The following CDC42BPA variants were observed in gnomAD, a reference collection of about 807,000 sequenced individuals.
CDC42BPA encodes the protein serine/threonine-protein kinase MRCK alpha.
Under a neutral mutation model 223.5 loss-of-function variants are expected in CDC42BPA, and 80 were observed. The observed-to-expected ratio is 0.36, with a 90% confidence interval of 0.30 to 0.43. The LOEUF (loss-of-function observed/expected upper bound fraction) is 0.43, where lower values mean the gene tolerates loss of function less well. CDC42BPA is among the 20% of genes least tolerant of loss of function. The pLI is 1.00. For synonymous variants in CDC42BPA, 694 were observed against 718.6 expected (o/e 0.97, Z 0.55); for missense variants, 1,743 against 2,099.9 (o/e 0.83, Z 3.32).
intron 22 of CDC42BPA, among the ~76,000 whole-genome samples, 192 bp downstream of exon 22, chr1:227,051,689 T>C (rs1384058723): frequency 6.6e-6 from 1 of 152,246 alleles, no homozygotes; most frequent in African/African-American, 2.4e-5. Context: ...TATTTCAGAT[T>C]GACTATTTGA....
chr1:227,067,369 A>T (rs1677301993), intron 21 of CDC42BPA, among the ~76,000 whole-genome samples: 1 of 149,242 alleles, frequency 6.7e-6, no homozygotes, highest in South Asian at 2.1e-4. Flanking sequence ...ATATATGTAC[A>T]TTTTTTTTTT....
chr1:227,167,111 G>T (rs375496173), intron 5 of CDC42BPA, among the ~76,000 whole-genome samples: 2 of 152,030 alleles, frequency 1.3e-5, no homozygotes, highest in South Asian at 2.1e-4. Context: ...TACTACATAA[G>T]AATAAAAACT....
intron 11 of CDC42BPA, among the ~76,000 whole-genome samples, chr1:227,121,802 C>CAT (rs1325340048): frequency 2.4e-4 from 32 of 134,114 alleles, no homozygotes; most frequent in African/African-American, 8.9e-4. Flanking sequence ...TCTTTTTTTT[C>CAT]TTTTTTTTTT....
intron 6 of CDC42BPA, among the ~76,000 whole-genome samples, chr1:227,158,177 C>T (rs914594499): frequency 6.6e-6 from 1 of 152,090 alleles, no homozygotes; most frequent in Non-Finnish European, 1.5e-5. Context: ...GCCAGGCAGT[C>T]TCAAACTCCT....
At position 227,030,371 on chromosome 1, in the gene CDC42BPA, T is replaced by C. The variant is rs757913591; in HGVS notation, c.3838+37A>G. 1.8e-5 allele frequency: 23 copies of C among 1,293,896 alleles called. No homozygotes were observed. In the East Asian group the frequency reaches 5.5e-4, roughly 31 times the overall value. The allele number at this position is 1,293,896 out of a possible 1,614,324, so 80.2% of individuals were successfully genotyped here. ...TACAGTTTAAATTTTTTTAACACGA[T>C]TTAAAATTACTCCAAAAAAAAAAAG... On this transcript the variant is annotated intron_variant, in intron 29 of 36. Transcript: ENST00000366766.
intron 35 of CDC42BPA, chr1:227,004,443 T>C (rs1252015210): frequency 6.3e-6 from 1 of 159,086 alleles, no homozygotes; most frequent in Non-Finnish European, 1.4e-5. Context: ...GAAAGAAAAT[T>C]CTTCCCTACT....
chr1:227,115,190 T>A (rs1402895972), intron 12 of CDC42BPA, among the ~76,000 whole-genome samples: 1 of 151,922 alleles, frequency 6.6e-6, no homozygotes, highest in Non-Finnish European at 1.5e-5. Flanking sequence ...AAAAGCAGCA[T>A]GCAAAAATCA....
chr1:227,217,165 G>A (rs1443665995), intron 2 of CDC42BPA, among the ~76,000 whole-genome samples: 1 of 152,106 alleles, frequency 6.6e-6, no homozygotes, highest in Non-Finnish European at 1.5e-5. Flanking sequence ...CCCATTCCAA[G>A]CTACTATTAC....
chr1:227,203,816 AAC>A (rs1672215977), intron 3 of CDC42BPA, among the ~76,000 whole-genome samples: 1 of 152,226 alleles, frequency 6.6e-6, no homozygotes, highest in Non-Finnish European at 1.5e-5. Context: ...TATTGGGATA[AAC>A]AGGAACAGGA....
rs1438540425 is a variant in CDC42BPA at position 226,992,036 on chromosome 1, AGAGTGAGGAG to A, written c.*2222_*2231del. On this transcript the variant is annotated 3_prime_UTR_variant, in exon 37 of 37. Transcript: ENST00000366766. ...GGTGGGGAGAGTGAGGAGGGTGGGG[AGAGTGAGGAG>A]GGTGGGGAGAGTGGGGAGGAGAGGA... 1.6e-4 allele frequency: 9 copies of A among 56,498 alleles called. No individual in the cohort carries two copies. The highest frequency in any genetic ancestry group is 5.2e-4 in the African/African-American group (7 of 13,526). 3.5% of individuals were successfully genotyped at this position (56,498 alleles called of 1,614,324 possible). A position where few individuals can be genotyped will look rare whatever the true frequency, so the allele number is the denominator to read the frequency against.
chr1:227,025,715 T>G (rs1444839206), intron 31 of CDC42BPA, among the ~76,000 whole-genome samples: 1 of 152,178 alleles, frequency 6.6e-6, no homozygotes, highest in Non-Finnish European at 1.5e-5. Flanking sequence ...GAATGACAGT[T>G]ATAATTCATA....
At chr1:227,210,535 A>G (rs557846587) in intron 3 of CDC42BPA, among the ~76,000 whole-genome samples, 1 of 152,322 alleles carries the variant, frequency 6.6e-6, no homozygotes, top group South Asian at 2.1e-4. Flanking sequence ...TTGTTAATTG[A>G]ATAAAATATT....
chr1:227,220,400 A>G (rs1480452623), intron 2 of CDC42BPA, among the ~76,000 whole-genome samples: 1 of 149,102 alleles, frequency 6.7e-6, no homozygotes, highest in Non-Finnish European at 1.5e-5. Flanking sequence ...TAATATATAT[A>G]AGAATATATA....
At chr1:227,198,106 CTACT>C (rs1208735031) in intron 4 of CDC42BPA, among the ~76,000 whole-genome samples, 1 of 152,000 alleles carries the variant, frequency 6.6e-6, no homozygotes, top group African/African-American at 2.4e-5. Context: ...TTCACTCTTA[CTACT>C]TACTTGTCAT....
At position 227,265,338 on chromosome 1, in the gene CDC42BPA, C is replaced by T. The variant is rs367928676; in HGVS notation, c.179-11183G>A. 2.2e-5 allele frequency: 8 copies of T among 363,174 alleles called. No homozygotes were observed. In the East Asian group the frequency reaches 4.1e-4, roughly 19 times the overall value. The allele number at this position is 363,174 out of a possible 1,614,324, so 22.5% of individuals were successfully genotyped here. A position where few individuals can be genotyped will look rare whatever the true frequency, so the allele number is the denominator to read the frequency against. ...GTACAGGTACCTATACCTCATAACC[C>T]TCACAGGGTCATGAGGATTTAATAA... On this transcript the variant is annotated intron_variant, in intron 1 of 36. Transcript: ENST00000366766.
chr1:227,192,789 C>T (rs7546181), intron 5 of CDC42BPA, among the ~76,000 whole-genome samples: 103,746 of 151,908 alleles, frequency 0.68, 35,652 homozygotes, highest in South Asian at 0.73. Context: ...CCATGAACAT[C>T]AAAATTATCA....
rs574237956 is a variant in CDC42BPA at position 227,316,641 on chromosome 1, A to G, written c.178+364T>C. Reference sequence around the variant, plus strand: ...TTTCCATAGTCTGAATGTTTCCACCAATAAATACCTTTCAAATGAAGGACT... The same window carrying G: ...TTTCCATAGTCTGAATGTTTCCACCGATAAATACCTTTCAAATGAAGGACT... On this transcript the variant is annotated intron_variant, in intron 1 of 36. Transcript: ENST00000366766. 5.9e-5 allele frequency among the ~76,000 whole-genome samples: 9 copies of G among 152,334 alleles called. No individual in the cohort carries two copies. In the South Asian group the frequency reaches 1.0e-3, roughly 18 times the overall value.
chr1:227,233,244 G>A (rs1426788762), intron 2 of CDC42BPA, among the ~76,000 whole-genome samples: 1 of 151,974 alleles, frequency 6.6e-6, no homozygotes, highest in Non-Finnish European at 1.5e-5. Flanking sequence ...TCACCACGTT[G>A]GCCAGGATGG....
At chr1:227,237,932 G>A (rs950429373) in intron 2 of CDC42BPA, among the ~76,000 whole-genome samples, 27 of 151,658 alleles carry the variant, frequency 1.8e-4, no homozygotes, top group Admixed American at 1.5e-3. Flanking sequence ...CCAACTACTC[G>A]GGAGGCTAAG....
Sources: allele counts gnomAD v4.1 joint callset (sites outside exome capture counted in the v4.1 genomes callset), GRCh38; gene constraint gnomAD v4.1.1; transcripts MANE v1.5; gene names NCBI Gene and HGNC (gene_info 2026-07-23, HGNC 2026-07-21).